The following MCTP2 variants were observed in gnomAD, a reference collection of about 807,000 sequenced individuals.
MCTP2 encodes the protein multiple C2 and transmembrane domain containing 2.
In MCTP2, 132 loss-of-function variants were observed where a neutral mutation model predicts 111.6. The ratio of observed to expected loss-of-function variants is 1.18; its 90% CI spans 1.03 to 1.37. The LOEUF (loss-of-function observed/expected upper bound fraction) is 1.37, where lower values mean the gene tolerates loss of function less well. Among genes scored for constraint, MCTP2 ranks in the 40% most tolerant of loss-of-function variants. The pLI is 0.00. For synonymous variants in MCTP2, 395 were observed against 387.7 expected (o/e 1.02, Z -0.22); for missense variants, 1,183 against 1,067.9 (o/e 1.11, Z -1.50).
Position 94,364,203 on chromosome 15 carries a change from A to G in MCTP2, c.1302-3402A>G, listed in dbSNP as rs987679429. Among the ~76,000 whole-genome samples, 3 of 152,132 alleles carry G rather than the reference A, an allele frequency of 2.0e-5. No individual in the cohort carries two copies. The East Asian group carries it at 5.8e-4, about 29-fold the overall frequency. ...TAAATAAAGGTTTTTTTTGGGAAAA[A>G]ACCTTCATTTGTTTACATTGTCTGT... On this transcript the variant is annotated intron_variant, in intron 10 of 22. Coordinates refer to ENST00000357742, the MANE Select transcript of MCTP2 (RefSeq NM_001385001.1).
intron 20 of MCTP2, among the ~76,000 whole-genome samples, chr15:94,466,688 C>G (rs777636443): frequency 6.6e-6 from 1 of 152,116 alleles, no homozygotes; most frequent in Non-Finnish European, 1.5e-5. Context: ...AGCTCAGAAT[C>G]CCAATATTTG....
At chr15:94,357,997 G>A (rs2078723281) in intron 9 of MCTP2, among the ~76,000 whole-genome samples, 1 of 152,170 alleles carries the variant, frequency 6.6e-6, no homozygotes, top group South Asian at 2.1e-4. Flanking sequence ...AAAATAGGTA[G>A]CAATATACAA....
chr15:94,403,267 C>G, intron 17 of MCTP2: 1 of 983,040 alleles, frequency 1.0e-6, no homozygotes, highest in Non-Finnish European at 1.2e-6. Context: ...TAATCTGTAT[C>G]CGTCATTGTC....
chr15:94,459,805 C>A (rs1469405469), intron 20 of MCTP2, among the ~76,000 whole-genome samples: 4 of 152,174 alleles, frequency 2.6e-5, no homozygotes, highest in Non-Finnish European at 5.9e-5. Context: ...ACCATAATTA[C>A]AATAATGATA....
intron 20 of MCTP2, 66 bp downstream of exon 20, chr15:94,458,312 T>C: frequency 1.1e-6 from 1 of 950,758 alleles, no homozygotes; most frequent in Non-Finnish European, 1.7e-6. Context: ...AGTGGGGTAA[T>C]GGCAGTGGTG....
intron 4 of MCTP2, among the ~76,000 whole-genome samples, chr15:94,334,152 G>A (rs1157635138): frequency 6.6e-6 from 1 of 152,168 alleles, no homozygotes; most frequent in Non-Finnish European, 1.5e-5. Context: ...CTCAGCAAAT[G>A]ACCGAAGCCT....
intron 19 of MCTP2, among the ~76,000 whole-genome samples, chr15:94,454,140 G>T (rs1288790601): frequency 1.3e-5 from 2 of 152,076 alleles, no homozygotes; most frequent in African/African-American, 2.4e-5. Flanking sequence ...CAAAGCTTTT[G>T]CAAGTTAACT....
intron 19 of MCTP2, among the ~76,000 whole-genome samples, chr15:94,451,086 A>C (rs1404822305): frequency 2.0e-5 from 3 of 152,242 alleles, no homozygotes; most frequent in African/African-American, 7.2e-5. Context: ...TTAAAAAAGA[A>C]CAATTGTGTT....
At chr15:94,287,514 T>G (rs1314100323) in intron 1 of MCTP2, among the ~76,000 whole-genome samples, 3 of 152,232 alleles carry the variant, frequency 2.0e-5, no homozygotes, top group African/African-American at 7.2e-5. Flanking sequence ...CACGTGGTTG[T>G]GTACTACTCA....
Position 94,476,765 on chromosome 15 carries a change from T to C in MCTP2, c.2540T>C (p.Leu847Pro), listed in dbSNP as rs768565904. ...SIDNNELLDF[L>P]SRVPSDVQKV... ...GACAATAATGAGCTACTAGACTTCCTCTCTAGGGTACCGTCTGATGTTCAA... is the reference window on the plus strand; with the variant it reads ...GACAATAATGAGCTACTAGACTTCCCCTCTAGGGTACCGTCTGATGTTCAA... The change falls in exon 22 of 23, where the codon CTC (leucine) becomes CCC (proline). Residue 847 changes from leucine (L) to proline (P), a missense_variant. Leu to Pro is a moderately conservative substitution (Grantham distance 98). Coordinates refer to ENST00000357742, the MANE Select transcript of MCTP2 (RefSeq NM_001385001.1). 3 of 1,606,064 alleles carry C rather than the reference T, an allele frequency of 1.9e-6. No individual in the cohort carries two copies. Among genetic ancestry groups the C allele is most frequent in the Non-Finnish European group, 2.6e-6 (3 of 1,172,948 alleles).
chr15:94,267,033 G>A (rs1363772481), intron 1 of MCTP2, among the ~76,000 whole-genome samples: 1 of 152,218 alleles, frequency 6.6e-6, no homozygotes, highest in African/African-American at 2.4e-5. Flanking sequence ...GCTTTGTAAT[G>A]TAACTGAAAT....
intron 4 of MCTP2, among the ~76,000 whole-genome samples, chr15:94,327,772 C>G (rs1181895282): frequency 6.6e-6 from 1 of 152,216 alleles, no homozygotes; most frequent in Admixed American, 6.5e-5. Flanking sequence ...TACATATCAT[C>G]ACCGGACATG....
At chr15:94,337,146 A>G (rs949828780) in intron 4 of MCTP2, among the ~76,000 whole-genome samples, 1 of 152,136 alleles carries the variant, frequency 6.6e-6, no homozygotes, top group South Asian at 2.1e-4. Context: ...GAAAATCACA[A>G]TGTGCTCCCC....
chr15:94,444,548 C>T (rs1226218430), intron 19 of MCTP2, among the ~76,000 whole-genome samples: 1 of 152,152 alleles, frequency 6.6e-6, no homozygotes, highest in Admixed American at 6.5e-5. Flanking sequence ...AGCAGAAAGT[C>T]AGGTGTGGTT....
At chr15:94,354,638 G>A (rs1057009127) in intron 8 of MCTP2, among the ~76,000 whole-genome samples, 5 of 152,176 alleles carry the variant, frequency 3.3e-5, no homozygotes, top group African/African-American at 1.2e-4. Flanking sequence ...CTTTATAGCA[G>A]TGTGATAACG....
At chr15:94,308,792 T>C (rs923833258) in intron 2 of MCTP2, among the ~76,000 whole-genome samples, 1 of 152,206 alleles carries the variant, frequency 6.6e-6, no homozygotes, top group Non-Finnish European at 1.5e-5. Context: ...CACATGACAT[T>C]GGCCATAGAC....
chr15:94,387,139 TC>T (rs910822703), intron 14 of MCTP2, among the ~76,000 whole-genome samples: 4 of 151,448 alleles, frequency 2.6e-5, no homozygotes, highest in African/African-American at 9.7e-5. Flanking sequence ...CCTTCCTCCT[TC>T]CCCCCTTCCT....
At chr15:94,282,110 T>C in intron 1 of MCTP2, among the ~76,000 whole-genome samples, 1 of 152,220 alleles carries the variant, frequency 6.6e-6, no homozygotes, top group East Asian at 1.9e-4. Flanking sequence ...GGAATTTTCA[T>C]GGATAATATT....
intron 14 of MCTP2, among the ~76,000 whole-genome samples, chr15:94,387,114 C>CCCTTCCTCCTTCCT (rs369111644): frequency 2.0e-5 from 3 of 151,654 alleles, no homozygotes; most frequent in East Asian, 3.9e-4. Context: ...TTCCTCTCCT[C>CCCTTCCTCCTTCCT]CCTTCCTCCT....
Sources: allele counts gnomAD v4.1 joint callset (sites outside exome capture counted in the v4.1 genomes callset), GRCh38; gene constraint gnomAD v4.1.1; transcripts MANE v1.5; gene names NCBI Gene and HGNC (gene_info 2026-07-23, HGNC 2026-07-21).